SLC25A15: variants seen among roughly 807,000 people sequenced by gnomAD.
The protein encoded by SLC25A15 is solute carrier family 25 member 15.
In SLC25A15, 24 loss-of-function variants were observed where a neutral mutation model predicts 32.3. That is an observed-to-expected ratio of 0.74 (90% confidence interval 0.54 to 1.04). The LOEUF (loss-of-function observed/expected upper bound fraction) is 1.04. SLC25A15 is among the 50% of genes least tolerant of loss of function. The probability of loss-of-function intolerance (pLI) is 0.00; values close to 1 mark genes in which losing one functional copy is unlikely to be tolerated. For missense variants in SLC25A15, 317 were observed against 374.5 expected, an observed-to-expected ratio of 0.85 and a Z score of 1.27; for synonymous variants, 132 against 142.1, an observed-to-expected ratio of 0.93 and a Z score of 0.51.
chr13:40,806,999 G>A (rs1472932945), intron 4 of SLC25A15, among the ~76,000 whole-genome samples: 1 of 152,154 alleles, frequency 6.6e-6, no homozygotes, highest in African/African-American at 2.4e-5. Context: ...GTAAACACCT[G>A]AACAAATTTC....
chr13:40,802,529 T>C (rs1293983323), intron 3 of SLC25A15, among the ~76,000 whole-genome samples: 1 of 151,514 alleles, frequency 6.6e-6, no homozygotes, highest in Non-Finnish European at 1.5e-5. Context: ...TACTAATCTT[T>C]AACACTGGAA....
intron 3 of SLC25A15, among the ~76,000 whole-genome samples, chr13:40,802,623 T>G (rs1333912168): frequency 6.6e-6 from 1 of 151,614 alleles, no homozygotes; most frequent in Non-Finnish European, 1.5e-5. Flanking sequence ...TCGCCCAGGC[T>G]GGAGTGCAGT....
intron 3 of SLC25A15, among the ~76,000 whole-genome samples, chr13:40,800,741 G>GGACA (rs1486012953): frequency 1.2e-4 from 19 of 152,152 alleles, no homozygotes. Flanking sequence ...ACAAAGTGAA[G>GGACA]GACAGGTAAG....
intron 3 of SLC25A15, among the ~76,000 whole-genome samples, chr13:40,801,180 A>G (rs1054281148): frequency 6.6e-6 from 1 of 150,840 alleles, no homozygotes; most frequent in African/African-American, 2.4e-5. Context: ...TTGCAGTGAG[A>G]TGATGCCACT....
rs763688411 is a variant in SLC25A15, at chr13:40,810,307, C to T, written c.*640C>T. Among the ~76,000 whole-genome samples, 7 of 152,186 alleles carry T rather than the reference C, an allele frequency of 4.6e-5. No homozygotes were observed. Among genetic ancestry groups the T allele is most frequent in the South Asian group, 4.2e-4 (2 of 4,814 alleles). On this transcript the variant is annotated 3_prime_UTR_variant, in exon 7 of 7. Transcript: ENST00000338625. ...CTGAGTAGCTGGGATTACAGGTACG[C>T]GCCACCATGTCCAGCTAATTTTTTT...
rs9549286 is a variant in SLC25A15, at chr13:40,792,172, A to G, written c.-69-986A>G. ...AGAGAAAGAAATTCTAGTTTTCCCA[A>G]ATGCCCAAGGCTCCAACCAAAACAT... On this transcript the variant is annotated intron_variant, in intron 1 of 6. Coordinates refer to ENST00000338625, the MANE Select transcript of SLC25A15 (RefSeq NM_014252.4). Among the ~76,000 whole-genome samples, 589 of 152,354 alleles carry G rather than the reference A, an allele frequency of 3.9e-3. 3 individuals are homozygous for G. The highest frequency in any genetic ancestry group is 6.4e-3 in the Non-Finnish European group (434 of 68,032).
In SLC25A15 at chr13:40,799,215, A is replaced by G; in HGVS notation, c.214A>G (p.Ile72Val). The change falls in exon 3 of 7, where the codon ATC (isoleucine) becomes GTC (valine). Residue 72 changes from isoleucine (I) to valine (V), a missense_variant. Physicochemically the swap from Ile to Val is conservative, Grantham distance 29. Coordinates refer to ENST00000338625, the MANE Select transcript of SLC25A15 (RefSeq NM_014252.4). ...CTACAAGGGTACCAGTCCAGCACTA[A>G]TCGCCAACATCGCTGAGAACTCAGT... ...GFYKGTSPAL[I>V]ANIAENSVLF... 1 of 1,614,226 alleles carries G rather than the reference A, an allele frequency of 6.2e-7. No individual in the cohort carries two copies. Among genetic ancestry groups the G allele is most frequent in the Non-Finnish European group, 8.5e-7 (1 of 1,180,040 alleles).
At chr13:40,798,139 G>T (rs1881731114) in intron 2 of SLC25A15, among the ~76,000 whole-genome samples, 1 of 152,116 alleles carries the variant, frequency 6.6e-6, no homozygotes, top group Non-Finnish European at 1.5e-5. Flanking sequence ...AATTAGCCAG[G>T]CGTGGTGGTG....
At chr13:40,804,310 T>TG (rs1295340258) in intron 3 of SLC25A15, among the ~76,000 whole-genome samples, 1 of 152,066 alleles carries the variant, frequency 6.6e-6, no homozygotes, top group African/African-American at 2.4e-5. Flanking sequence ...ACCATCACCT[T>TG]GGGGGGATAA....
intron 6 of SLC25A15, 144 bp from the exon 7 acceptor site, chr13:40,809,399 C>T: frequency 9.9e-7 from 1 of 1,008,512 alleles, no homozygotes; most frequent in South Asian, 1.3e-5. Context: ...TTAGGAAAAG[C>T]TGGGAATGCA....
chr13:40,809,791 C>T lies in SLC25A15; in HGVS notation c.*124C>T. 1.1e-6 allele frequency: 1 copy of T among 944,854 alleles called. No individual in the cohort carries two copies. Among genetic ancestry groups the T allele is most frequent in the South Asian group, 1.3e-5 (1 of 74,132 alleles). The allele number at this position is 944,854 out of a possible 1,614,324, so 58.5% of individuals were successfully genotyped here. A position where few individuals can be genotyped will look rare whatever the true frequency, so the allele number is the denominator to read the frequency against. ...TCTTGGGAATTTTGCTTTTTGTCTTCCCTTCTACCCTACATCTTAAACTTT... is the reference window on the plus strand; with the variant it reads ...TCTTGGGAATTTTGCTTTTTGTCTTTCCTTCTACCCTACATCTTAAACTTT... On this transcript the variant is annotated 3_prime_UTR_variant, in exon 7 of 7. Coordinates refer to ENST00000338625, the MANE Select transcript of SLC25A15 (RefSeq NM_014252.4).
chr13:40,793,142 T>A lies in SLC25A15; in HGVS notation c.-69-16T>A, dbSNP rs1057522683. On this transcript the variant is annotated splice_polypyrimidine_tract_variant and intron_variant, in intron 1 of 6. Transcript: ENST00000338625. ...CTGCAGACTTGGACTAATGGTGAACTCTTGCCTCCCCCCAGGGATATGTGG... is the reference window on the plus strand; with the variant it reads ...CTGCAGACTTGGACTAATGGTGAACACTTGCCTCCCCCCAGGGATATGTGG... The A allele has an allele frequency of 2.2e-6, 3 of 1,393,784 alleles. No individual in the cohort carries two copies. Among genetic ancestry groups the A allele is most frequent in the Non-Finnish European group, 3.0e-6 (3 of 984,812 alleles). 86.3% of individuals were successfully genotyped at this position (1,393,784 alleles called of 1,614,324 possible).
chr13:40,811,946 G>C lies in SLC25A15; in HGVS notation c.*2279G>C, dbSNP rs962015601. The stretch of plus-strand genomic sequence containing the variant: ...GGCTGACAAACATCAGGGGACATCT[G>C]GGGAGGAGATCCCTGTCATGTCTCT... On this transcript the variant is annotated 3_prime_UTR_variant, in exon 7 of 7. Coordinates refer to ENST00000338625, the MANE Select transcript of SLC25A15 (RefSeq NM_014252.4). 2.0e-5 allele frequency among the ~76,000 whole-genome samples: 3 copies of C among 152,210 alleles called. No individual in the cohort carries two copies. The highest frequency in any genetic ancestry group is 4.4e-5 in the Non-Finnish European group (3 of 68,038).
intron 3 of SLC25A15, chr13:40,802,045 A>G (rs941681738): frequency 6.6e-6 from 1 of 152,256 alleles, no homozygotes; most frequent in African/African-American, 2.4e-5. Context: ...TAAACTCAAT[A>G]GACTTCTACA....
chr13:40,798,832 C>G (rs538277665), intron 2 of SLC25A15: 1 of 985,422 alleles, frequency 1.0e-6, no homozygotes. Context: ...ATGTCTGTCT[C>G]TCTCCCCTGC....
chr13:40,807,487 AG>A, intron 5 of SLC25A15, 24 bp downstream of exon 5: 1 of 1,613,188 alleles, frequency 6.2e-7, no homozygotes, highest in Non-Finnish European at 8.5e-7. Context: ...CATTGACAGC[AG>A]TGGGGTGTGA....
chr13:40,791,764 T>G (rs1881513062), intron 1 of SLC25A15, among the ~76,000 whole-genome samples: 1 of 152,332 alleles, frequency 6.6e-6, no homozygotes, highest in Admixed American at 6.5e-5. Flanking sequence ...AATCAGTGTC[T>G]TGCACTTCTA....
At chr13:40,791,301 T>TTTA in intron 1 of SLC25A15, among the ~76,000 whole-genome samples, 1 of 140,698 alleles carries the variant, frequency 7.1e-6, no homozygotes, top group South Asian at 2.3e-4. Flanking sequence ...CTGATAAACT[T>TTTA]TTTATTTATT....
At chr13:40,807,182 A>G (rs979797367) in intron 4 of SLC25A15, 112 bp from the exon 5 acceptor site, 12 of 982,110 alleles carry the variant, frequency 1.2e-5, no homozygotes, top group Non-Finnish European at 1.6e-5. Flanking sequence ...TTACAAAATC[A>G]GCTTCTTCCT....
Sources: allele counts gnomAD v4.1 joint callset (sites outside exome capture counted in the v4.1 genomes callset), GRCh38; gene constraint gnomAD v4.1.1; transcripts MANE v1.5; gene names NCBI Gene and HGNC (gene_info 2026-07-23, HGNC 2026-07-21).